ZNF107: variants seen among roughly 807,000 people sequenced by gnomAD.
ZNF107 encodes the protein C2H2 type zinc-finger protein.
Under a neutral mutation model 12.3 loss-of-function variants are expected in ZNF107, and 19 were observed. That is an observed-to-expected ratio of 1.55 (90% CI 1.08 to 2.27). The LOEUF (loss-of-function observed/expected upper bound fraction) is 2.27, where lower values mean the gene tolerates loss of function less well. Ranked by LOEUF, ZNF107 falls within the 30% of genes most tolerant of loss-of-function variation. The pLI, the probability that ZNF107 is intolerant of heterozygous loss-of-function variation, is 0.00. For missense variants in ZNF107, 958 were observed against 979.9 expected, an observed-to-expected ratio of 0.98 and a Z score of 0.30; for synonymous variants, 317 against 330.5, an observed-to-expected ratio of 0.96 and a Z score of 0.44.
chr7:64,704,966 A>C (rs186716674), intron 3 of ZNF107, among the ~76,000 whole-genome samples: 299 of 152,334 alleles, frequency 2.0e-3, no homozygotes, highest in Admixed American at 5.4e-3. Flanking sequence ...GACGTGAGCC[A>C]TCGCACCCAG....
intron 3 of ZNF107, among the ~76,000 whole-genome samples, chr7:64,697,988 A>G (rs1037844223): frequency 6.6e-6 from 1 of 152,056 alleles, no homozygotes; most frequent in African/African-American, 2.4e-5. Flanking sequence ...CCGGTAAAAC[A>G]TAACATTTTA....
chr7:64,694,135 A>C (rs1261541650), intron 3 of ZNF107, among the ~76,000 whole-genome samples: 1 of 152,240 alleles, frequency 6.6e-6, no homozygotes, highest in South Asian at 2.1e-4. Flanking sequence ...ACTGTGGATC[A>C]GGGAGCTGGA....
intron 1 of ZNF107, chr7:64,687,385 C>G (rs920068392): frequency 2.0e-6 from 2 of 985,310 alleles, no homozygotes; most frequent in African/African-American, 1.7e-5. Context: ...CCTGCAGGCT[C>G]TCCTCCTGCA....
At position 64,674,968 on chromosome 7, in the gene ZNF107, T is replaced by C. The variant is rs115267521; in HGVS notation, c.3+8683T>C. Among the ~76,000 whole-genome samples the C allele has an allele frequency of 7.2e-3, 1,095 of 151,886 alleles. 15 individuals are homozygous for C. The highest frequency in any genetic ancestry group is 0.025 in the African/African-American group (1,044 of 41,538). On this transcript the variant is annotated intron_variant, in intron 1 of 3. Coordinates refer to ENST00000620827, the MANE Select transcript of ZNF107 (RefSeq NM_001282359.2). ...AGGGATAAAGTCTACTTGATCATAG[T>C]GGATTAGCTTTTATGATGTGCTGCT... is the stretch of plus-strand genomic sequence containing the variant.
At chr7:64,687,617 C>T in intron 1 of ZNF107, 1 of 968,198 alleles carries the variant, frequency 1.0e-6, no homozygotes, top group Non-Finnish European at 1.2e-6. Flanking sequence ...TGTATTTTGT[C>T]ATTGATTATA....
intron 3 of ZNF107, among the ~76,000 whole-genome samples, chr7:64,704,165 A>G (rs1231571209): frequency 1.3e-5 from 2 of 152,190 alleles, no homozygotes; most frequent in Admixed American, 1.3e-4. Flanking sequence ...CATTTTAGAT[A>G]ATAATTAAAA....
At chr7:64,686,377 C>T (rs1251357324) in intron 1 of ZNF107, 1 of 330,806 alleles carries the variant, frequency 3.0e-6, no homozygotes, top group African/African-American at 2.2e-5. Context: ...TACAAAATCT[C>T]ATTCAAGCTA....
In ZNF107 at chr7:64,708,502, C is replaced by T. The variant is rs1207242932; in HGVS notation, c.2405C>T (p.Ser802Leu). The change falls in exon 4 of 4, where the codon TCA (serine) becomes TTA (leucine). Residue 802 changes from serine to leucine, a missense_variant. By Grantham distance (145) the Ser-to-Leu change is moderately radical (BLOSUM62 -2). Transcript: ENST00000620827. ...TGTGGCAAATCCTTTAACCAGTTCT[C>T]ATCTCTTAATATACATAAGATAATT... ...EECGKSFNQF[S>L]SLNIHKIIHT... 1.1e-5 allele frequency: 18 copies of T among 1,613,172 alleles called. No individual in the cohort carries two copies. The highest frequency in any genetic ancestry group is 1.4e-5 in the Non-Finnish European group (16 of 1,179,604).
chr7:64,677,669 C>T (rs376234230), intron 1 of ZNF107, among the ~76,000 whole-genome samples: 5 of 151,044 alleles, frequency 3.3e-5, no homozygotes, highest in African/African-American at 7.3e-5. Flanking sequence ...CTGGCTAACA[C>T]GGTGAAACCC....
At chr7:64,677,221 G>T (rs972279786) in intron 1 of ZNF107, among the ~76,000 whole-genome samples, 1 of 151,618 alleles carries the variant, frequency 6.6e-6, no homozygotes, top group African/African-American at 2.4e-5. Flanking sequence ...GCCCAGGCTG[G>T]AGTGCAGTGG....
At chr7:64,675,751 T>C (rs1485031445) in intron 1 of ZNF107, among the ~76,000 whole-genome samples, 1 of 152,238 alleles carries the variant, frequency 6.6e-6, no homozygotes, top group African/African-American at 2.4e-5. Context: ...AATTTCCCTC[T>C]TAACACTGTG....
intron 1 of ZNF107, among the ~76,000 whole-genome samples, chr7:64,667,844 T>C (rs904357636): frequency 6.6e-6 from 1 of 152,082 alleles, no homozygotes; most frequent in Non-Finnish European, 1.5e-5. Flanking sequence ...CAGAGGTACA[T>C]TGCTGGTCAG....
intron 3 of ZNF107, among the ~76,000 whole-genome samples, chr7:64,699,527 T>C (rs746355829): frequency 1.3e-5 from 2 of 152,124 alleles, no homozygotes; most frequent in Non-Finnish European, 2.9e-5. Context: ...TGGGCTCAAG[T>C]GATTCTTCCA....
At chr7:64,693,165 A>ATTTTTTTT (rs34734604) in intron 3 of ZNF107, among the ~76,000 whole-genome samples, 8 of 110,106 alleles carry the variant, frequency 7.3e-5, no homozygotes, top group East Asian at 2.6e-4. Context: ...CACTCAGCTA[A>ATTTTTTTT]TTTTTTTTTT....
chr7:64,700,730 G>C (rs961394318), intron 3 of ZNF107, among the ~76,000 whole-genome samples: 56 of 151,498 alleles, frequency 3.7e-4, no homozygotes, highest in Middle Eastern at 3.4e-3. Flanking sequence ...AGTAGAGATG[G>C]GGTTTTGCCA....
intron 3 of ZNF107, among the ~76,000 whole-genome samples, chr7:64,697,679 T>A (rs1198947943): frequency 6.7e-6 from 1 of 148,844 alleles, no homozygotes; most frequent in Non-Finnish European, 1.5e-5. Context: ...TTTAATTATT[T>A]TAGAAACATA....
At chr7:64,667,159 A>G (rs990436567) in intron 1 of ZNF107, among the ~76,000 whole-genome samples, 22 of 152,192 alleles carry the variant, frequency 1.4e-4, no homozygotes. Flanking sequence ...CAGGGTCTCA[A>G]GACTACTCCC....
chr7:64,708,071 T>C lies in ZNF107; in HGVS notation c.1974T>C (p.Phe658=). 1 of 1,613,556 alleles carries C rather than the reference T, an allele frequency of 6.2e-7. No homozygotes were observed. The highest frequency in any genetic ancestry group is 8.5e-7 in the Non-Finnish European group (1 of 1,179,710). Residue 658 remains phenylalanine, a synonymous_variant, in exon 4 of 4, where the codon TTT becomes TTC. Transcript: ENST00000620827. ...AATTTGAAGAACATGGAAAAGCTTT[T>C]AACCTATTCTCAAACATTACTAACC... ...LYKFEEHGKA[F]NLFSNITNHK... is the part of the protein sequence containing the mutation.
At chr7:64,702,293 G>A (rs994238085) in intron 3 of ZNF107, among the ~76,000 whole-genome samples, 4 of 151,138 alleles carry the variant, frequency 2.6e-5, no homozygotes, top group African/African-American at 9.7e-5. Context: ...GGGATTACAG[G>A]CACACTGTAA....
Sources: gnomAD v4.1 joint callset for allele counts (sites outside exome capture counted in the v4.1 genomes callset) on GRCh38, gnomAD v4.1.1 for gene constraint, MANE v1.5 for transcripts, NCBI Gene and HGNC (gene_info 2026-07-23, HGNC 2026-07-21) for gene names.